Variants in EEF1A2 observed in about 807,000 individuals in gnomAD.
EEF1A2 encodes eukaryotic translation elongation factor 1 alpha 2.
In EEF1A2, 5 loss-of-function variants were observed where a neutral mutation model predicts 39.3. The ratio of observed to expected loss-of-function variants is 0.13; its 90% confidence interval spans 0.07 to 0.27. The LOEUF (loss-of-function observed/expected upper bound fraction) is 0.27. Ranked by LOEUF, EEF1A2 falls within the 10% of genes least tolerant of loss-of-function variation. The pLI is 1.00. For missense variants in EEF1A2, 218 were observed against 681.4 expected (o/e 0.32, Z 7.57); for synonymous variants, 287 against 293.7 (o/e 0.98, Z 0.23).
chr20:63,488,564 A>T (rs2082363733), intron 7 of EEF1A2, 139 bp from the exon 8 acceptor site: 4 of 1,192,072 alleles, frequency 3.4e-6, no homozygotes, highest in East Asian at 3.0e-5. Context: ...CCCTGTGAAG[A>T]CGGCCGGCCT....
intron 5 of EEF1A2, among the ~76,000 whole-genome samples, chr20:63,491,773 G>A (rs2082380469): frequency 6.6e-6 from 1 of 151,442 alleles, no homozygotes; most frequent in African/African-American, 2.4e-5. Context: ...TTGGTGGATG[G>A]ATGGATGGAT....
rs2082399111 is a variant in EEF1A2 at position 63,493,198 on chromosome 20, G to A, written c.711C>T (p.Pro237=). ...GGGGCTTGTCCGTGGGGCGCGTGGG[G>A]GGCAGGATGGTGTCCAGGGCCTCCA... The part of the protein sequence containing the change: ...SLLEALDTIL[P]PTRPTDKPLR... The change falls in exon 5 of 8, where the codon CCC becomes CCT. Residue 237 remains proline, a synonymous_variant. Coordinates refer to ENST00000217182, the MANE Select transcript of EEF1A2 (RefSeq NM_001958.5). The A allele has an allele frequency of 2.6e-6, 4 of 1,548,854 alleles. No homozygotes were observed. Among genetic ancestry groups the A allele is most frequent in the Non-Finnish European group, 2.6e-6 (3 of 1,145,994 alleles).
intron 5 of EEF1A2, among the ~76,000 whole-genome samples, chr20:63,491,943 C>T (rs183738447): frequency 0.42 from 25,571 of 61,198 alleles, 3,945 homozygotes; most frequent in East Asian, 0.53. Context: ...GATGGATGGA[C>T]GGACGGATGG....
In EEF1A2 at chr20:63,488,196, G is replaced by T; in HGVS notation, c.*102C>A. 1 of 783,412 alleles carries T rather than the reference G, an allele frequency of 1.3e-6. No homozygotes were observed. The highest frequency in any genetic ancestry group is 1.3e-4 in the East Asian group (1 of 7,642). The allele number at this position is 783,412 out of a possible 1,614,324, so 48.5% of individuals were successfully genotyped here. On this transcript the variant is annotated 3_prime_UTR_variant, in exon 8 of 8. Transcript: ENST00000217182. ...CAGACATGCGCCTGGCGGGGGTGCGGGGCGCCGGACCGGCGCGCGGGGCGG... is the reference window on the plus strand; with the variant it reads ...CAGACATGCGCCTGGCGGGGGTGCGTGGCGCCGGACCGGCGCGCGGGGCGG...
chr20:63,497,932 C>T lies in EEF1A2; in HGVS notation c.-71-98G>A, dbSNP rs557452765. ...GGCACAGGCTGGACAGGCATCCCTG[C>T]CCACAAACCAAGCCCCCATGTTTGG... On this transcript the variant is annotated intron_variant, in intron 1 of 7. Coordinates refer to ENST00000217182, the MANE Select transcript of EEF1A2 (RefSeq NM_001958.5). This position sits in a 1 kb window ranked among gnomAD's most constrained non-coding sequence, Gnocchi z 7.3. 7 of 906,530 alleles carry T rather than the reference C, an allele frequency of 7.7e-6. No individual in the cohort carries two copies. The African/African-American group carries it at 1.0e-4, about 13-fold the overall frequency. 56.2% of individuals were successfully genotyped at this position (906,530 alleles called of 1,614,324 possible). A position where few individuals can be genotyped will look rare whatever the true frequency, so the allele number is the denominator to read the frequency against.
chr20:63,490,956 G>A (rs2082376097), intron 5 of EEF1A2, among the ~76,000 whole-genome samples: 1 of 152,196 alleles, frequency 6.6e-6, no homozygotes, highest in Admixed American at 6.5e-5. Flanking sequence ...CCCAGCTGGG[G>A]AAATAAGAGG....
At chr20:63,492,793 G>T (rs924136252) in intron 5 of EEF1A2, among the ~76,000 whole-genome samples, 9 of 132,716 alleles carry the variant, frequency 6.8e-5, no homozygotes, top group Non-Finnish European at 1.5e-4. Context: ...TGGAGAGATG[G>T]AGGGATGGTT....
At chr20:63,490,854 G>A in intron 5 of EEF1A2, 119 bp from the exon 6 acceptor site, 1 of 1,258,230 alleles carries the variant, frequency 7.9e-7, no homozygotes, top group Non-Finnish European at 1.1e-6. Flanking sequence ...CGACAGGCCT[G>A]GGGGTTGGGG....
rs1600902158 is a variant in EEF1A2 at position 63,489,039 on chromosome 20, C to T, written c.1143G>A (p.Arg381=). ...TGTCCTCCAGCTTCTTGCCAGAGCG[C>T]CGGTCAATCTTCTCCTTCAGCTCCG... ...KFAELKEKID[R]RSGKKLEDNP... Residue 381 remains arginine (R), a synonymous_variant, in exon 7 of 8, where the codon CGG becomes CGA. Coordinates refer to ENST00000217182, the MANE Select transcript of EEF1A2 (RefSeq NM_001958.5). The T allele has an allele frequency of 6.2e-7, 1 of 1,612,800 alleles. No homozygotes were observed. Among genetic ancestry groups the T allele is most frequent in the South Asian group, 1.1e-5 (1 of 91,090 alleles).
chr20:63,488,476 C>A (rs1035917844), intron 7 of EEF1A2, 51 bp from the exon 8 acceptor site: 7 of 1,361,462 alleles, frequency 5.1e-6, no homozygotes, highest in South Asian at 4.8e-5. Context: ...TTGACCCCCC[C>A]CAACCCCAGG....
chr20:63,489,595 C>T (rs1757785), intron 6 of EEF1A2, among the ~76,000 whole-genome samples: 72,457 of 151,938 alleles, frequency 0.48, 17,942 homozygotes, highest in Admixed American at 0.58. Context: ...CCGGCCTGGC[C>T]AACATGGTGA....
At chr20:63,492,273 T>G (rs370708897) in intron 5 of EEF1A2, among the ~76,000 whole-genome samples, 927 of 51,822 alleles carry the variant, frequency 0.018, no homozygotes, top group Middle Eastern at 0.061. Context: ...TGGATGGATG[T>G]ACAGAAGGAT....
chr20:63,494,698 TC>T, intron 4 of EEF1A2, 106 bp downstream of exon 4: 5 of 1,419,330 alleles, frequency 3.5e-6, no homozygotes, highest in Non-Finnish European at 4.7e-6. Context: ...AACCTGCATT[TC>T]CCGGGGACAG....
chr20:63,497,612 G>A lies in EEF1A2; in HGVS notation c.144+8C>T. ...CAGGGGGCCAAGACCATAGCCTGGG[G>A]AGCTCACCTCAGCCGCCTCCTTCTC... On this transcript the variant is annotated splice_region_variant and intron_variant, in intron 2 of 7. Coordinates refer to ENST00000217182, the MANE Select transcript of EEF1A2 (RefSeq NM_001958.5). This position sits in a 1 kb window ranked among gnomAD's most constrained non-coding sequence, Gnocchi z 7.3. 2 of 1,610,894 alleles carry A rather than the reference G, an allele frequency of 1.2e-6. No individual in the cohort carries two copies. Among genetic ancestry groups the A allele is most frequent in the Non-Finnish European group, 1.7e-6 (2 of 1,178,618 alleles).
chr20:63,491,959 TG>T, intron 5 of EEF1A2, among the ~76,000 whole-genome samples: 1 of 4,628 alleles, frequency 2.2e-4, no homozygotes, highest in Non-Finnish European at 3.5e-4. Flanking sequence ...GATGGGGAGG[TG>T]GATGGATGGA....
At chr20:63,492,716 AGG>A (rs2082395364) in intron 5 of EEF1A2, among the ~76,000 whole-genome samples, 1 of 49,874 alleles carries the variant, frequency 2.0e-5, no homozygotes, top group African/African-American at 7.9e-5. Flanking sequence ...ATGGATGGAG[AGG>A]TGGATGGATG....
chr20:63,488,539 T>A, intron 7 of EEF1A2, 114 bp from the exon 8 acceptor site: 2 of 1,279,620 alleles, frequency 1.6e-6, no homozygotes, highest in Non-Finnish European at 1.0e-6. Context: ...GGAACACGCT[T>A]AGCGCAGAGC....
rs1205720227 is a variant in EEF1A2, at chr20:63,490,356, C to T, written c.1029+123G>A. On this transcript the variant is annotated intron_variant, in intron 6 of 7. Coordinates refer to ENST00000217182, the MANE Select transcript of EEF1A2 (RefSeq NM_001958.5). ...CTGGGATTACAGGCGTGAACCACTG[C>T]GCCCAGCCTGAGGGTCTGGTTTTCT... The T allele has an allele frequency of 2.2e-5, 29 of 1,314,208 alleles. No homozygotes were observed. In the African/African-American group the frequency reaches 2.4e-4, roughly 11 times the overall value. 81.4% of individuals were successfully genotyped at this position (1,314,208 alleles called of 1,614,324 possible).
intron 4 of EEF1A2, among the ~76,000 whole-genome samples, chr20:63,494,433 C>G (rs2082407014): frequency 1.3e-5 from 2 of 152,254 alleles, no homozygotes; most frequent in Non-Finnish European, 2.9e-5. Context: ...CCCAAAGCCC[C>G]TGCACGGTGT....
Sources: allele counts gnomAD v4.1 joint callset (sites outside exome capture counted in the v4.1 genomes callset), GRCh38; gene constraint gnomAD v4.1.1; non-coding constraint Gnocchi (gnomAD v3.1); transcripts MANE v1.5; gene names NCBI Gene and HGNC (gene_info 2026-07-23, HGNC 2026-07-21).